Variants in DIDO1 observed in about 807,000 individuals in gnomAD.
The protein encoded by DIDO1 is death-inducer obliterator 1.
DIDO1 carries 16 observed loss-of-function variants against 99.4 expected under a neutral mutation model. The observed-to-expected ratio is 0.16, with a 90% CI of 0.11 to 0.24. The LOEUF is 0.24. Ranked by LOEUF, DIDO1 falls within the 10% of genes least tolerant of loss-of-function variation. The pLI is 1.00. For missense variants in DIDO1, 2,996 were observed against 3,014.0 expected (o/e 0.99, Z 0.14); for synonymous variants, 1,366 against 1,239.1 (o/e 1.10, Z -2.15).
At chr20:62,907,098 C>G in intron 5 of DIDO1, 49 bp downstream of exon 5, 1 of 1,596,788 alleles carries the variant, frequency 6.3e-7, no homozygotes, top group Non-Finnish European at 8.6e-7. Context: ...GACAAACGCT[C>G]TCACGCCTGT....
At chr20:62,888,299 T>C (rs929217629) in intron 15 of DIDO1, 1 of 985,518 alleles carries the variant, frequency 1.0e-6, no homozygotes, top group Non-Finnish European at 1.2e-6. Flanking sequence ...TGCGTGAATC[T>C]CTACCCCCAA....
In DIDO1 at chr20:62,880,975, G is replaced by T; in HGVS notation, c.4981C>A (p.Pro1661Thr). The T allele has an allele frequency of 6.2e-7, 1 of 1,606,178 alleles. No homozygotes were observed. Residue 1661 changes from proline to threonine, a missense_variant, in exon 16 of 16, where the codon CCC becomes ACC. This residue lies in a region of DIDO1 where 1,562 missense variants were observed against 1,412.6 expected (regional missense o/e 1.11). Transcript: ENST00000395343. ...TGCAGGGCGCCGCAAGGCGGTGTGG[G>T]CAGCAGCACCCTCCGGGCAGGCCTG... ...SARPARRVLL[P>T]TPPCGALQPG...
chr20:62,903,717 C>A (rs990823911), intron 6 of DIDO1, among the ~76,000 whole-genome samples: 10 of 152,164 alleles, frequency 6.6e-5, no homozygotes, highest in Non-Finnish European at 1.5e-5. Flanking sequence ...GTGTGTCGTC[C>A]CCATTCCCAT....
upstream of DIDO1, among the ~76,000 whole-genome samples, chr20:62,929,692 A>AAAAAAAAAAAAATATATATATATAT: frequency 1.7e-4 from 11 of 63,704 alleles, no homozygotes; most frequent in African/African-American, 8.4e-4. Flanking sequence ...AAAAAGAAAA[A>AAAAAAAAAAAAATATATATATATAT]GTGTATATAT....
rs1449475998 is a variant in DIDO1 at position 62,880,175 on chromosome 20, T to C, written c.5781A>G (p.Arg1927=). 1 of 1,612,300 alleles carries C rather than the reference T, an allele frequency of 6.2e-7. No homozygotes were observed. ...TTTCAAACTGACTAGGATGGGGCCC[T>C]CTTGGGCCCACGAAATGACCAGGGG... ...GPPPGHFVGP[R]GPHPSQFETA... Residue 1927 remains arginine, a synonymous_variant, in exon 16 of 16, where the codon AGA becomes AGG. Transcript: ENST00000395343.
intron 6 of DIDO1, 84 bp downstream of exon 6, chr20:62,905,803 C>T (rs150895782): frequency 9.3e-6 from 15 of 1,613,308 alleles, no homozygotes; most frequent in South Asian, 4.4e-5. Flanking sequence ...AAAGCTGCAA[C>T]TCCCAGTCCT....
chr20:62,919,748 G>A (rs888946797), intron 1 of DIDO1, among the ~76,000 whole-genome samples: 4 of 152,198 alleles, frequency 2.6e-5, no homozygotes, highest in South Asian at 4.1e-4. Flanking sequence ...GGCTACAGCC[G>A]GGCCGCCAAG....
In DIDO1 at chr20:62,879,944, C is replaced by G. The variant is rs1317917424; in HGVS notation, c.6012G>C (p.Gln2004His). 6.2e-7 allele frequency: 1 copy of G among 1,604,686 alleles called. No individual in the cohort carries two copies. The highest frequency in any genetic ancestry group is 1.7e-5 in the Admixed American group (1 of 57,744). Residue 2004 changes from glutamine (Q) to histidine (H), a missense_variant, in exon 16 of 16, where the codon CAG (glutamine) becomes CAC (histidine). Physicochemically the swap from Gln to His is conservative, Grantham distance 24. This residue lies in a region of DIDO1 where 1,562 missense variants were observed against 1,412.6 expected (regional missense o/e 1.11). Transcript: ENST00000395343. This position sits in a 1 kb window ranked among gnomAD's most constrained non-coding sequence, Gnocchi z 6.3. ...GSAPFSEKNE[Q>H]TPSRFHFQGQ... ...CCTGGAAGTGAAATCGCGAAGGGGT[C>G]TGCTCATTTTTTTCAGAAAAGGGTG... is the stretch of plus-strand genomic sequence containing the variant.
intron 6 of DIDO1, among the ~76,000 whole-genome samples, chr20:62,903,880 G>A (rs952590127): frequency 1.6e-4 from 25 of 152,154 alleles, no homozygotes; most frequent in African/African-American, 4.8e-4. Context: ...GAAGAGGTCA[G>A]AGTACCCCGC....
rs769371080 is a variant in DIDO1 at position 62,879,505 on chromosome 20, G to T, written c.6451C>A (p.Arg2151=). Residue 2151 remains arginine, a synonymous_variant, in exon 16 of 16, where the codon CGG becomes AGG. Transcript: ENST00000395343. The surrounding 1 kb of genome is among the most constrained non-coding windows in gnomAD (Gnocchi z 6.3). ...CGGTCGCGGTTGGCGCTCCTCTCCCGGTTTCTGTCCCAGTCCCGGCTGGAG... is the reference window on the plus strand; with the variant it reads ...CGGTCGCGGTTGGCGCTCCTCTCCCTGTTTCTGTCCCAGTCCCGGCTGGAG... ...KDSSRDWDRN[R]ERSANRDRER... is the part of the protein sequence containing the mutation. 5 of 1,597,466 alleles carry T rather than the reference G, an allele frequency of 3.1e-6. No individual in the cohort carries two copies. The highest frequency in any genetic ancestry group is 2.2e-5 in the East Asian group (1 of 44,604).
chr20:62,887,030 G>C (rs1045324340), intron 15 of DIDO1, among the ~76,000 whole-genome samples: 1 of 152,184 alleles, frequency 6.6e-6, no homozygotes, highest in African/African-American at 2.4e-5. Context: ...TCTGGGTGCC[G>C]GGGTGCCGAG....
chr20:62,885,120 C>T (rs6010776), intron 15 of DIDO1, among the ~76,000 whole-genome samples: 11,882 of 152,272 alleles, frequency 0.078, 511 homozygotes, highest in African/African-American at 0.11. Context: ...TCTGCAGAGC[C>T]CACCACGCCC....
chr20:62,916,152 C>A (rs2065033606), intron 1 of DIDO1, among the ~76,000 whole-genome samples: 1 of 152,186 alleles, frequency 6.6e-6, no homozygotes, highest in South Asian at 2.1e-4. Flanking sequence ...CTACACACTA[C>A]ACAGCCCATC....
intron 1 of DIDO1, among the ~76,000 whole-genome samples, chr20:62,920,291 G>A (rs2065111889): frequency 6.6e-6 from 1 of 152,122 alleles, no homozygotes; most frequent in African/African-American, 2.4e-5. Flanking sequence ...TTAAATCACT[G>A]TTCCTTTATG....
At chr20:62,930,265 A>G (rs1180435717), upstream of DIDO1, among the ~76,000 whole-genome samples, 1 of 152,132 alleles carries the variant, frequency 6.6e-6, no homozygotes, top group African/African-American at 2.4e-5. Context: ...GGCAAATGCT[A>G]CGTTTGTGCA....
At chr20:62,930,227 A>C (rs1282388698), upstream of DIDO1, among the ~76,000 whole-genome samples, 1 of 152,174 alleles carries the variant, frequency 6.6e-6, no homozygotes, top group African/African-American at 2.4e-5. Flanking sequence ...ACAAAAAAAA[A>C]AAAAACACAG....
At position 62,884,340 on chromosome 20, in the gene DIDO1, C is replaced by T. The variant is rs73918852; in HGVS notation, c.3542-1926G>A. Reference sequence around the variant, plus strand: ...TGCCAAAGGGGAATATAAAAACCCACATCCCAAAACAGGAGCTGAAGGAAA... The same window carrying T: ...TGCCAAAGGGGAATATAAAAACCCATATCCCAAAACAGGAGCTGAAGGAAA... On this transcript the variant is annotated intron_variant, in intron 15 of 15. Transcript: ENST00000395343. Among the ~76,000 whole-genome samples the T allele has an allele frequency of 9.6e-3, 1,466 of 152,360 alleles. 24 individuals are homozygous for T. The highest frequency in any genetic ancestry group is 0.033 in the African/African-American group (1,389 of 41,584).
intron 5 of DIDO1, 117 bp downstream of exon 5, chr20:62,907,030 A>T: frequency 9.9e-7 from 1 of 1,013,208 alleles, no homozygotes; most frequent in Non-Finnish European, 1.5e-6. Context: ...AGGCGACACC[A>T]CGTGTGCGCC....
At chr20:62,917,111 A>G (rs1033295717) in intron 1 of DIDO1, among the ~76,000 whole-genome samples, 5 of 151,834 alleles carry the variant, frequency 3.3e-5, no homozygotes, top group Admixed American at 3.3e-4. Context: ...CCCCACCCAC[A>G]CCACCGCCAG....
Sources: allele counts gnomAD v4.1 joint callset (sites outside exome capture counted in the v4.1 genomes callset), GRCh38; gene constraint gnomAD v4.1.1; regional missense constraint gnomAD v4.1.1; non-coding constraint Gnocchi (gnomAD v3.1); transcripts MANE v1.5; gene names NCBI Gene and HGNC (gene_info 2026-07-23, HGNC 2026-07-21).